DPP10: variants seen among roughly 807,000 people sequenced by gnomAD.
The protein encoded by DPP10 is inactive dipeptidyl peptidase 10.
A neutral mutation model predicts 120.9 loss-of-function variants in DPP10; 33 were observed. The observed-to-expected ratio is 0.27, with a 90% CI of 0.21 to 0.37. The LOEUF (loss-of-function observed/expected upper bound fraction) is 0.37. Among genes scored for constraint, DPP10 ranks in the 10% least tolerant of loss-of-function variants. The pLI, the probability that DPP10 is intolerant of heterozygous loss-of-function variation, is 1.00. For missense variants in DPP10, 816 were observed against 942.8 expected (o/e 0.87, Z 1.76); for synonymous variants, 337 against 326.1 (o/e 1.03, Z -0.36).
At chr2:114,764,394 G>A (rs1680540416) in intron 1 of DPP10, among the ~76,000 whole-genome samples, 1 of 147,608 alleles carries the variant, frequency 6.8e-6, no homozygotes, top group Non-Finnish European at 1.5e-5. Flanking sequence ...CTGATATTAA[G>A]ATTTATCCAT....
At chr2:115,285,942 ATATT>A (rs2060345309) in intron 1 of DPP10, among the ~76,000 whole-genome samples, 1 of 151,944 alleles carries the variant, frequency 6.6e-6, no homozygotes, top group South Asian at 2.1e-4. Context: ...ACAGGATAAG[ATATT>A]TATGTTAATT....
At chr2:115,556,624 G>A (rs1335814570) in intron 5 of DPP10, among the ~76,000 whole-genome samples, 1 of 151,938 alleles carries the variant, frequency 6.6e-6, no homozygotes, top group Non-Finnish European at 1.5e-5. Context: ...TTTAGTTAGG[G>A]CATTCACTTT....
At chr2:114,837,289 C>G (rs1247879924) in intron 1 of DPP10, among the ~76,000 whole-genome samples, 1 of 152,142 alleles carries the variant, frequency 6.6e-6, no homozygotes, top group East Asian at 1.9e-4. Context: ...TACATGAAAT[C>G]TTCACAATCC....
intron 1 of DPP10, among the ~76,000 whole-genome samples, chr2:114,626,169 A>T (rs1694495351): frequency 6.6e-6 from 1 of 151,794 alleles, no homozygotes; most frequent in Non-Finnish European, 1.5e-5. Flanking sequence ...GCCTTAATCC[A>T]CACTACATAT....
chr2:115,556,370 T>TG (rs888020641), intron 5 of DPP10, among the ~76,000 whole-genome samples: 3 of 149,918 alleles, frequency 2.0e-5, no homozygotes, highest in African/African-American at 7.3e-5. Context: ...GCAGGTTTTT[T>TG]TTTTTTTTTT....
At chr2:115,663,021 G>C (rs1261751037) in intron 5 of DPP10, among the ~76,000 whole-genome samples, 2 of 151,554 alleles carry the variant, frequency 1.3e-5, no homozygotes, top group Non-Finnish European at 2.9e-5. Flanking sequence ...AATTTTTGTG[G>C]GTACATACTA....
intron 1 of DPP10, among the ~76,000 whole-genome samples, chr2:114,711,997 G>A (rs913673306): frequency 6.6e-6 from 1 of 152,064 alleles, no homozygotes; most frequent in Non-Finnish European, 1.5e-5. Context: ...TTATCAAATG[G>A]TTATGATATA....
chr2:115,175,468 C>T (rs530948424), intron 1 of DPP10, among the ~76,000 whole-genome samples: 5 of 152,296 alleles, frequency 3.3e-5, no homozygotes, highest in Admixed American at 6.5e-5. Flanking sequence ...AGAATCACCA[C>T]TTGCACATGG....
intron 11 of DPP10, among the ~76,000 whole-genome samples, chr2:115,759,707 T>A (rs7583845): frequency 0.97 from 147,262 of 152,126 alleles, 71,477 homozygotes; most frequent in East Asian, 1. Flanking sequence ...ACATATACAT[T>A]CATATATAAA....
intron 2 of DPP10, among the ~76,000 whole-genome samples, chr2:115,328,768 C>T (rs2062517520): frequency 6.6e-6 from 1 of 152,084 alleles, no homozygotes; most frequent in Admixed American, 6.6e-5. Context: ...TGAAAGAGTT[C>T]ACTAGAGTCC....
chr2:114,838,188 C>T (rs892767141), intron 1 of DPP10, among the ~76,000 whole-genome samples: 2 of 152,172 alleles, frequency 1.3e-5, no homozygotes, highest in Admixed American at 1.3e-4. Context: ...CAGTCACATG[C>T]ATCCTAACCT....
At chr2:115,556,610 A>G (rs1358207648) in intron 5 of DPP10, among the ~76,000 whole-genome samples, 1 of 152,076 alleles carries the variant, frequency 6.6e-6, no homozygotes, top group Non-Finnish European at 1.5e-5. Flanking sequence ...TGCTTAGCAA[A>G]GGATTTAGTT....
chr2:115,731,725 G>T (rs947424123), intron 8 of DPP10, among the ~76,000 whole-genome samples: 3 of 152,044 alleles, frequency 2.0e-5, no homozygotes, highest in African/African-American at 7.2e-5. Context: ...CACGTTTTGG[G>T]ACCTAAATTG....
intron 1 of DPP10, among the ~76,000 whole-genome samples, chr2:114,792,511 C>A (rs1421928754): frequency 1.3e-5 from 2 of 152,206 alleles, no homozygotes; most frequent in Non-Finnish European, 2.9e-5. Flanking sequence ...TATCTTCAAG[C>A]CTGCTTGCAA....
intron 1 of DPP10, among the ~76,000 whole-genome samples, chr2:114,767,407 C>T (rs993056785): frequency 2.0e-5 from 3 of 150,134 alleles, no homozygotes; most frequent in Non-Finnish European, 4.4e-5. Flanking sequence ...GGAGGAGAGG[C>T]GAAATTTTAA....
intron 1 of DPP10, among the ~76,000 whole-genome samples, chr2:115,091,142 T>A (rs1290786720): frequency 2.6e-5 from 4 of 152,138 alleles, no homozygotes; most frequent in Non-Finnish European, 4.4e-5. Flanking sequence ...TCCAACCATC[T>A]CCCTGTGCTA....
chr2:114,788,426 T>TTA (rs1682951314), intron 1 of DPP10, among the ~76,000 whole-genome samples: 1 of 151,690 alleles, frequency 6.6e-6, no homozygotes, highest in East Asian at 1.9e-4. Flanking sequence ...CATTTTTTTT[T>TTA]TTTTCCTTGA....
chr2:114,685,492 G>C (rs1479229920), intron 1 of DPP10, among the ~76,000 whole-genome samples: 2 of 151,938 alleles, frequency 1.3e-5, no homozygotes, highest in Non-Finnish European at 2.9e-5. Flanking sequence ...TTCTCTCTCT[G>C]AAGCCTGAGA....
chr2:115,400,421 C>G (rs919724377), intron 3 of DPP10, among the ~76,000 whole-genome samples: 1 of 151,704 alleles, frequency 6.6e-6, no homozygotes, highest in African/African-American at 2.4e-5. Context: ...GTCACATTCT[C>G]TCCAAAAAGC....
Sources: gnomAD v4.1 joint callset for allele counts (sites outside exome capture counted in the v4.1 genomes callset) on GRCh38, gnomAD v4.1.1 for gene constraint, MANE v1.5 for transcripts, NCBI Gene and HGNC (gene_info 2026-07-23, HGNC 2026-07-21) for gene names.